The following IRAG2 variants were observed in gnomAD, a reference collection of about 807,000 sequenced individuals.
The protein encoded by IRAG2 is lymphoid restricted membrane protein.
IRAG2 carries 45 observed loss-of-function variants against 69.9 expected under a neutral mutation model. The observed-to-expected ratio is 0.64, with a 90% CI of 0.51 to 0.83. The LOEUF (loss-of-function observed/expected upper bound fraction) is 0.83. Ranked by LOEUF, IRAG2 falls within the 40% of genes least tolerant of loss-of-function variation. The pLI is 0.00. For synonymous variants in IRAG2, 193 were observed against 202.4 expected (o/e 0.95, Z 0.40); for missense variants, 520 against 587.0 (o/e 0.89, Z 1.18).
chr12:25,075,544 G>A (rs1946636752), intron 6 of IRAG2, among the ~76,000 whole-genome samples: 1 of 146,674 alleles, frequency 6.8e-6, no homozygotes, highest in African/African-American at 2.5e-5. Context: ...GTGTGTGTGT[G>A]TGTGTGTGTG....
intron 6 of IRAG2, among the ~76,000 whole-genome samples, chr12:25,073,895 G>A (rs527772069): frequency 1.3e-5 from 2 of 152,192 alleles, no homozygotes; most frequent in African/African-American, 4.8e-5. Context: ...GCCATAGGTT[G>A]GTAATTGTTG....
At chr12:25,069,864 C>T (rs1386088897) in intron 6 of IRAG2, among the ~76,000 whole-genome samples, 1 of 152,118 alleles carries the variant, frequency 6.6e-6, no homozygotes, top group East Asian at 1.9e-4. Flanking sequence ...CGGCCATGCC[C>T]ATGGAGAGTA....
At chr12:25,053,361 G>C (rs1480790725) in intron 1 of IRAG2, among the ~76,000 whole-genome samples, 1 of 151,446 alleles carries the variant, frequency 6.6e-6, no homozygotes, top group African/African-American at 2.4e-5. Context: ...AAAAGGCCTT[G>C]CTCGTCTATT....
chr12:25,046,038 T>C (rs1400328462), intron 16 of IRAG2, among the ~76,000 whole-genome samples: 1 of 152,116 alleles, frequency 6.6e-6, no homozygotes, highest in Admixed American at 6.5e-5. Context: ...TGGGATTTAT[T>C]TCTGGGATGC....
chr12:25,021,960 G>A (rs1591927872), intron 7 of IRAG2, among the ~76,000 whole-genome samples: 1 of 152,336 alleles, frequency 6.6e-6, no homozygotes, highest in South Asian at 2.1e-4. Context: ...CCACTAAGGA[G>A]CTTCTAACTG....
At chr12:25,106,807 A>ATATT in intron 20 of IRAG2, 136 bp from the exon 21 acceptor site, 1 of 367,180 alleles carries the variant, frequency 2.7e-6, no homozygotes, top group African/African-American at 2.1e-5. Context: ...TTAGAGTTAG[A>ATATT]TATTTATCGA....
chr12:25,021,017 T>C (rs1944574254), intron 7 of IRAG2: 1 of 457,966 alleles, frequency 2.2e-6, no homozygotes, highest in African/African-American at 2.0e-5. Flanking sequence ...GATGAATGAA[T>C]TGGTAACACT....
Position 25,107,056 on chromosome 12 carries a change from T to A in IRAG2, c.1256+6T>A. On this transcript the variant is annotated splice_donor_region_variant and intron_variant, in intron 21 of 21. Coordinates refer to ENST00000556887, the MANE Select transcript of IRAG2 (RefSeq NM_001366544.2). The stretch of plus-strand genomic sequence containing the variant: ...AAGTGGGATGTCTCTTCAGTGTAAG[T>A]TATCTACTTGATAAATTCTACCATT... The A allele has an allele frequency of 6.7e-7, 1 of 1,490,134 alleles. No homozygotes were observed. The highest frequency in any genetic ancestry group is 1.2e-5 in the South Asian group (1 of 85,526). 92.3% of individuals were successfully genotyped at this position (1,490,134 alleles called of 1,614,324 possible).
exon 5 of IRAG2, chr12:25,015,379 A>C: frequency 8.1e-7 from 1 of 1,232,042 alleles, no homozygotes; most frequent in Non-Finnish European, 1.0e-6. Flanking sequence ...AACAGATTCT[A>C]CATTGGGGAG....
intron 2 of IRAG2, among the ~76,000 whole-genome samples, chr12:25,008,392 A>G (rs1280956923): frequency 6.6e-6 from 1 of 152,132 alleles, no homozygotes; most frequent in Non-Finnish European, 1.5e-5. Context: ...GCTTGAGCCC[A>G]GGAGTTTGAG....
Position 25,083,473 on chromosome 12 carries a change from G to A in IRAG2, c.295G>A (p.Asp99Asn), listed in dbSNP as rs975086733. ...TGCATTCCAAGACTCTACGAGTAAG[G>A]ATAAAACCATATTAAATCTGGTAAG... The part of the protein sequence containing the change: ...NIAFQDSTSK[D>N]KTILNLEAKE... Residue 99 changes from aspartate (D) to asparagine (N), a missense_variant, in exon 10 of 22, where the codon GAT becomes AAT. Physicochemically the swap from Asp to Asn is conservative, Grantham distance 23. Transcript: ENST00000556887. 2 of 1,608,666 alleles carry A rather than the reference G, an allele frequency of 1.2e-6. No individual in the cohort carries two copies. Among genetic ancestry groups the A allele is most frequent in the South Asian group, 1.1e-5 (1 of 90,934 alleles).
At chr12:25,091,200 A>G (rs1313042785) in intron 14 of IRAG2, 1 of 159,296 alleles carries the variant, frequency 6.3e-6, no homozygotes, top group Non-Finnish European at 1.4e-5. Context: ...AGTTCAATGT[A>G]AGTTTATTTA....
chr12:25,048,278 TC>T (rs1385312706), upstream of IRAG2, among the ~76,000 whole-genome samples: 1 of 152,168 alleles, frequency 6.6e-6, no homozygotes, highest in Non-Finnish European at 1.5e-5. Context: ...TCTGTTCCTG[TC>T]CTTTGCCCAC....
At chr12:25,028,709 G>T (rs1339201353) in intron 9 of IRAG2, among the ~76,000 whole-genome samples, 1 of 152,034 alleles carries the variant, frequency 6.6e-6, no homozygotes, top group Non-Finnish European at 1.5e-5. Flanking sequence ...ATCTCTAATG[G>T]CTTATTTGAG....
intron 6 of IRAG2, among the ~76,000 whole-genome samples, chr12:25,070,000 C>T (rs1478023162): frequency 6.6e-6 from 1 of 152,144 alleles, no homozygotes; most frequent in Non-Finnish European, 1.5e-5. Context: ...GTTGGAATGC[C>T]TTCCACAGTC....
intron 14 of IRAG2, chr12:25,092,912 T>G (rs553438025): frequency 6.4e-6 from 1 of 156,270 alleles, no homozygotes; most frequent in South Asian, 1.9e-4. Context: ...TGTAGTTGTT[T>G]CAGTTGGTGG....
Position 25,021,541 on chromosome 12 carries a change from C to T in IRAG2, c.1332+634C>T, listed in dbSNP as rs1031059308. Among the ~76,000 whole-genome samples, 24 of 150,962 alleles carry T rather than the reference C, an allele frequency of 1.6e-4. No individual in the cohort carries two copies. The East Asian group carries it at 2.5e-3, about 16-fold the overall frequency. Reference sequence around the variant, plus strand: ...CTAAATAAGCACAGGCTTATAATTTCAGAGCAAAAGAGTCATTTAGACTAA... The same window carrying T: ...CTAAATAAGCACAGGCTTATAATTTTAGAGCAAAAGAGTCATTTAGACTAA... On this transcript the variant is annotated intron_variant, in intron 7 of 38. Coordinates refer to the IRAG2 transcript ENST00000636465.
At chr12:25,042,746 T>G (rs1944760790) in intron 16 of IRAG2, among the ~76,000 whole-genome samples, 1 of 151,958 alleles carries the variant, frequency 6.6e-6, no homozygotes, top group African/African-American at 2.4e-5. Flanking sequence ...ATTATAGGCA[T>G]GAACCACCGC....
chr12:25,033,743 A>T, intron 12 of IRAG2: 1 of 394,676 alleles, frequency 2.5e-6, no homozygotes. Flanking sequence ...AATCCTTGGC[A>T]CATGGCACTG....
Sources: gnomAD v4.1 joint callset for allele counts (sites outside exome capture counted in the v4.1 genomes callset) on GRCh38, gnomAD v4.1.1 for gene constraint, MANE v1.5 for transcripts, NCBI Gene and HGNC (gene_info 2026-07-23, HGNC 2026-07-21) for gene names.